The following LYPD5 variants were observed in gnomAD, a reference collection of about 807,000 sequenced individuals.
The protein encoded by LYPD5 is LY6/PLAUR domain containing 5.
In LYPD5, 21 loss-of-function variants were observed where a neutral mutation model predicts 19.1. That is an observed-to-expected ratio of 1.10 (90% CI 0.78 to 1.58). LYPD5 has a LOEUF of 1.58. Among genes scored for constraint, LYPD5 ranks in the 40% most tolerant of loss-of-function variants. The probability of loss-of-function intolerance (pLI) is 0.00; values close to 1 mark genes in which losing one functional copy is unlikely to be tolerated. For synonymous variants in LYPD5, 128 were observed against 142.7 expected, an observed-to-expected ratio of 0.90 and a Z score of 0.74; for missense variants, 287 against 329.8, an observed-to-expected ratio of 0.87 and a Z score of 1.00.
intron 1 of LYPD5, among the ~76,000 whole-genome samples, chr19:43,808,943 T>C (rs1970294593): frequency 1.3e-5 from 2 of 152,254 alleles, no homozygotes; most frequent in Non-Finnish European, 1.5e-5. Flanking sequence ...ACTACTATAA[T>C]AGTATAATTA....
At chr19:43,799,666 C>T (rs1459010318) in intron 2 of LYPD5, 40 bp downstream of exon 2, 4 of 1,580,766 alleles carry the variant, frequency 2.5e-6, no homozygotes, top group Admixed American at 1.9e-5. Context: ...CTTTTTCCTC[C>T]CTAATCTCTC....
At chr19:43,809,753 T>C (rs183058337) in intron 1 of LYPD5, among the ~76,000 whole-genome samples, 433 of 152,312 alleles carry the variant, frequency 2.8e-3, no homozygotes, top group African/African-American at 0.01. Flanking sequence ...AATAATTAGA[T>C]GAAAATATGA....
intron 1 of LYPD5, among the ~76,000 whole-genome samples, chr19:43,813,420 T>C (rs1203261470): frequency 6.6e-6 from 1 of 152,228 alleles, no homozygotes; most frequent in Non-Finnish European, 1.5e-5. Flanking sequence ...GCTGGCACTA[T>C]GCTTTTTGTA....
chr19:43,798,729 C>A, intron 3 of LYPD5, 83 bp downstream of exon 3: 3 of 1,566,938 alleles, frequency 1.9e-6, no homozygotes, highest in South Asian at 1.2e-5. Flanking sequence ...CAAGAGCAGG[C>A]GCCCAGCGGA....
In LYPD5 at chr19:43,802,276, C is replaced by T. The variant is rs552487923; in HGVS notation, c.64+41G>A. On this transcript the variant is annotated intron_variant, in intron 1 of 4. Coordinates refer to ENST00000377950, the MANE Select transcript of LYPD5 (RefSeq NM_001031749.3). ...CTCCCTCAGATCTAGGAGTCCAGGC[C>T]ACCTGCCCCTTCTCACTACTGGATT... is the stretch of plus-strand genomic sequence containing the variant. The T allele has an allele frequency of 5.2e-6, 8 of 1,532,202 alleles. No individual in the cohort carries two copies. The East Asian group carries it at 2.0e-4, about 38-fold the overall frequency. 94.9% of individuals were successfully genotyped at this position (1,532,202 alleles called of 1,614,324 possible). A position where few individuals can be genotyped will look rare whatever the true frequency, so the allele number is the denominator to read the frequency against.
intron 1 of LYPD5, among the ~76,000 whole-genome samples, chr19:43,812,128 T>G (rs540444770): frequency 6.6e-6 from 1 of 152,250 alleles, no homozygotes; most frequent in East Asian, 1.9e-4. Context: ...TTGAACTTTA[T>G]CACATGGGAG....
intron 1 of LYPD5, among the ~76,000 whole-genome samples, chr19:43,819,508 T>C (rs1298358618): frequency 5.3e-5 from 8 of 152,062 alleles, no homozygotes; most frequent in South Asian, 2.1e-4. Flanking sequence ...GAACCGGGTC[T>C]TTTCTGTCCT....
chr19:43,818,094 T>C (rs1347117678), intron 1 of LYPD5, among the ~76,000 whole-genome samples: 2 of 152,176 alleles, frequency 1.3e-5, no homozygotes, highest in African/African-American at 4.8e-5. Flanking sequence ...CCCAAATATA[T>C]GTTAAAGGAT....
At chr19:43,803,487 C>T (rs530415760), upstream of LYPD5, among the ~76,000 whole-genome samples, 50 of 152,266 alleles carry the variant, frequency 3.3e-4, no homozygotes, top group Admixed American at 5.2e-4. Context: ...AGAGTGGGCA[C>T]CAGCCATGTG....
In LYPD5 at chr19:43,798,603, T is replaced by C. The variant is rs777688123; in HGVS notation, c.371-2A>G. 2.5e-6 allele frequency: 4 copies of C among 1,609,904 alleles called. No homozygotes were observed. The highest frequency in any genetic ancestry group is 2.2e-5 in the East Asian group (1 of 44,858). On this transcript the variant is annotated splice_acceptor_variant, in intron 3 of 4. Transcript: ENST00000377950. LOFTEE classifies it high-confidence loss of function. ...CGCTGAGCGTCGGCGGGTCGGGTGC[T>C]GGCAAGAGAGCGTAGATGCACACTC...
intron 1 of LYPD5, among the ~76,000 whole-genome samples, chr19:43,811,769 G>A (rs1045260023): frequency 2.0e-5 from 3 of 151,794 alleles, no homozygotes; most frequent in Admixed American, 6.6e-5. Flanking sequence ...GAGGGAGGAA[G>A]GCAGGCAGGA....
chr19:43,798,786 G>A lies in LYPD5; in HGVS notation c.370+26C>T, dbSNP rs745858993. Reference sequence around the variant, plus strand: ...GCCAGGCCTCTCATCGTCCCTCCCGGAGCCCAGCCCCGCTCTCCCGCGCAC... The same window carrying A: ...GCCAGGCCTCTCATCGTCCCTCCCGAAGCCCAGCCCCGCTCTCCCGCGCAC... On this transcript the variant is annotated intron_variant, in intron 3 of 4. Transcript: ENST00000377950. 12 of 1,591,876 alleles carry A rather than the reference G, an allele frequency of 7.5e-6. No individual in the cohort carries two copies. In the East Asian group the frequency reaches 2.7e-4, roughly 36 times the overall value.
intron 1 of LYPD5, among the ~76,000 whole-genome samples, chr19:43,808,435 T>G (rs989147428): frequency 4.6e-5 from 7 of 152,248 alleles, no homozygotes; most frequent in African/African-American, 1.7e-4. Context: ...TGAATAATTT[T>G]TAAGAGTTTA....
At chr19:43,806,161 T>C (rs1181460489), upstream of LYPD5, among the ~76,000 whole-genome samples, 1 of 152,202 alleles carries the variant, frequency 6.6e-6, no homozygotes, top group Non-Finnish European at 1.5e-5. Flanking sequence ...GATTCATCTG[T>C]ATTTACAGCC....
At chr19:43,803,839 CCT>C (rs542033001), upstream of LYPD5, among the ~76,000 whole-genome samples, 337 of 152,074 alleles carry the variant, frequency 2.2e-3, 1 homozygote, top group African/African-American at 7.9e-3. Flanking sequence ...CCCCGCACCC[CCT>C]CTCTTTTTCT....
intron 1 of LYPD5, among the ~76,000 whole-genome samples, chr19:43,808,268 G>A (rs1045874654): frequency 6.6e-6 from 1 of 152,044 alleles, no homozygotes; most frequent in Non-Finnish European, 1.5e-5. Context: ...ACCACGCCTG[G>A]CTAATTTTTG....
At chr19:43,798,432 C>G in intron 4 of LYPD5, 23 bp downstream of exon 4, 1 of 1,603,128 alleles carries the variant, frequency 6.2e-7, no homozygotes, top group Non-Finnish European at 8.5e-7. Flanking sequence ...TGCCCAGGCC[C>G]TTCCACCCTT....
chr19:43,818,621 C>G (rs1970393103), intron 1 of LYPD5, among the ~76,000 whole-genome samples: 1 of 152,130 alleles, frequency 6.6e-6, no homozygotes, highest in Admixed American at 6.5e-5. Flanking sequence ...CAAGTAGTGC[C>G]CATTGCAGGC....
intron 1 of LYPD5, among the ~76,000 whole-genome samples, chr19:43,807,562 G>A (rs1568405547): frequency 6.6e-6 from 1 of 152,158 alleles, no homozygotes; most frequent in Non-Finnish European, 1.5e-5. Context: ...GATTACAGGT[G>A]TGAGCCACCG....
Sources: allele counts gnomAD v4.1 joint callset (sites outside exome capture counted in the v4.1 genomes callset), GRCh38; gene constraint gnomAD v4.1.1; transcripts MANE v1.5; gene names NCBI Gene and HGNC (gene_info 2026-07-23, HGNC 2026-07-21).